The following NWD2 variants were observed in gnomAD, a reference collection of about 807,000 sequenced individuals.
NWD2 encodes NACHT and WD repeat domain-containing protein 2.
NWD2 carries 37 observed loss-of-function variants against 132.7 expected under a neutral mutation model. The ratio of observed to expected loss-of-function variants is 0.28; its 90% CI spans 0.21 to 0.37. The LOEUF (loss-of-function observed/expected upper bound fraction) is 0.37, where lower values mean the gene tolerates loss of function less well. NWD2 is among the 10% of genes least tolerant of loss of function. NWD2 has a pLI of 1.00. For missense variants in NWD2, 1,592 were observed against 2,122.4 expected (o/e 0.75, Z 4.91); for synonymous variants, 705 against 803.0 (o/e 0.88, Z 2.06).
At chr4:37,335,272 C>G (rs1003177888) in intron 2 of NWD2, among the ~76,000 whole-genome samples, 5 of 124,100 alleles carry the variant, frequency 4.0e-5, no homozygotes, top group African/African-American at 1.6e-4. Flanking sequence ...ATTTTCTCAC[C>G]CACTGTGCCC....
chr4:37,435,446 A>G (rs947800397), intron 5 of NWD2, among the ~76,000 whole-genome samples: 7 of 152,336 alleles, frequency 4.6e-5, no homozygotes, highest in African/African-American at 1.7e-4. Flanking sequence ...ATCGTCAGGA[A>G]TAAGTACTGT....
At chr4:37,438,717 A>G in intron 5 of NWD2, 84 bp from the exon 6 acceptor site, 2 of 846,270 alleles carry the variant, frequency 2.4e-6, no homozygotes, top group Non-Finnish European at 3.6e-6. Context: ...ATTTACCACT[A>G]ATGACTAAGT....
intron 1 of NWD2, among the ~76,000 whole-genome samples, chr4:37,296,195 TG>T (rs1407836930): frequency 6.6e-6 from 1 of 152,198 alleles, no homozygotes; most frequent in Admixed American, 6.5e-5. Flanking sequence ...AGTGCTGAAG[TG>T]CTAGTGTTCC....
At chr4:37,432,517 A>G (rs185847026) in intron 4 of NWD2, among the ~76,000 whole-genome samples, 1 of 152,006 alleles carries the variant, frequency 6.6e-6, no homozygotes, top group East Asian at 1.9e-4. Context: ...CAGTTCACCA[A>G]TTTTTTTCTT....
intron 1 of NWD2, among the ~76,000 whole-genome samples, chr4:37,320,582 G>A (rs1719049017): frequency 1.3e-5 from 2 of 152,110 alleles, no homozygotes; most frequent in Non-Finnish European, 2.9e-5. Context: ...ATTGATATAA[G>A]GAAGAGTGTG....
At chr4:37,392,612 G>A (rs757565491) in intron 3 of NWD2, among the ~76,000 whole-genome samples, 67 of 151,794 alleles carry the variant, frequency 4.4e-4, no homozygotes, top group Non-Finnish European at 8.2e-4. Flanking sequence ...GAATGTTTTG[G>A]AGTACAGTTA....
At chr4:37,301,144 C>T (rs576977892) in intron 1 of NWD2, among the ~76,000 whole-genome samples, 1 of 152,170 alleles carries the variant, frequency 6.6e-6, no homozygotes, top group South Asian at 2.1e-4. Context: ...TGAAGATAAT[C>T]TATAGTCTTT....
intron 3 of NWD2, among the ~76,000 whole-genome samples, chr4:37,383,695 C>T (rs1720504626): frequency 1.3e-5 from 2 of 152,226 alleles, no homozygotes; most frequent in South Asian, 4.1e-4. Flanking sequence ...CATATCACAC[C>T]TGCCCACATA....
intron 1 of NWD2, among the ~76,000 whole-genome samples, chr4:37,303,985 T>G (rs1718658318): frequency 6.6e-6 from 1 of 152,198 alleles, no homozygotes; most frequent in African/African-American, 2.4e-5. Context: ...GAATAAGAGT[T>G]CTGAAAGTAG....
intron 1 of NWD2, among the ~76,000 whole-genome samples, chr4:37,263,539 T>G (rs1717691594): frequency 6.6e-6 from 1 of 152,160 alleles, no homozygotes; most frequent in African/African-American, 2.4e-5. Flanking sequence ...ATCTTTGAAA[T>G]GGGGCTTATA....
chr4:37,411,403 G>A (rs1302657226), intron 3 of NWD2, among the ~76,000 whole-genome samples: 1 of 152,064 alleles, frequency 6.6e-6, no homozygotes, highest in Admixed American at 6.6e-5. Flanking sequence ...ATAAATTCCT[G>A]GACACATATA....
At chr4:37,278,459 C>A (rs1282734514) in intron 1 of NWD2, among the ~76,000 whole-genome samples, 1 of 152,200 alleles carries the variant, frequency 6.6e-6, no homozygotes, top group East Asian at 1.9e-4. Context: ...GTGGCTTACC[C>A]TAACCTGGTG....
intron 3 of NWD2, among the ~76,000 whole-genome samples, chr4:37,358,894 G>A (rs1719922068): frequency 6.6e-6 from 1 of 152,154 alleles, no homozygotes; most frequent in Non-Finnish European, 1.5e-5. Flanking sequence ...TGACAGGGGT[G>A]CTATAGAAGA....
At chr4:37,303,037 G>A (rs1298103803) in intron 1 of NWD2, among the ~76,000 whole-genome samples, 1 of 152,144 alleles carries the variant, frequency 6.6e-6, no homozygotes, top group Non-Finnish European at 1.5e-5. Flanking sequence ...TTAGATCAGT[G>A]TCCTTAAGTA....
intron 3 of NWD2, among the ~76,000 whole-genome samples, chr4:37,362,461 C>T (rs1474826765): frequency 2.0e-5 from 3 of 152,272 alleles, no homozygotes; most frequent in Admixed American, 2.0e-4. Flanking sequence ...GGTGCTGGTA[C>T]AAAAACGGAC....
intron 1 of NWD2, among the ~76,000 whole-genome samples, chr4:37,303,418 G>T (rs1192163779): frequency 6.6e-6 from 1 of 152,034 alleles, no homozygotes; most frequent in East Asian, 1.9e-4. Context: ...TTTGTTCAGG[G>T]TTGCTTTGGC....
intron 3 of NWD2, among the ~76,000 whole-genome samples, chr4:37,375,567 T>TC (rs1241055097): frequency 1.5e-5 from 1 of 65,514 alleles, no homozygotes; most frequent in Non-Finnish European, 3.1e-5. Flanking sequence ...TGGAATTCAC[T>TC]TTTTTTTTTT....
chr4:37,297,754 ATGTT>A (rs1718525567), intron 1 of NWD2, among the ~76,000 whole-genome samples: 1 of 152,108 alleles, frequency 6.6e-6, no homozygotes, highest in Non-Finnish European at 1.5e-5. Context: ...GTGTGCTTTG[ATGTT>A]TGTTTATGAT....
rs200087956 is a variant in NWD2, at chr4:37,294,639, A to AT, written c.152-31291dup. Among the ~76,000 whole-genome samples, 957 of 152,296 alleles carry AT rather than the reference A, an allele frequency of 6.3e-3. 4 individuals are homozygous for AT. The highest frequency in any genetic ancestry group is 0.024 in the Middle Eastern group (7 of 294). On this transcript the variant is annotated intron_variant, in intron 1 of 6. Transcript: ENST00000309447. ...GACTATGGTTTTGTCTGTAACAAAA[A>AT]TTTTTTGGAAAACAAAAAACCTTAA...
Sources: allele counts gnomAD v4.1 joint callset (sites outside exome capture counted in the v4.1 genomes callset), GRCh38; gene constraint gnomAD v4.1.1; transcripts MANE v1.5; gene names NCBI Gene and HGNC (gene_info 2026-07-23, HGNC 2026-07-21).